The following PLCL1 variants were observed in gnomAD, a reference collection of about 807,000 sequenced individuals.
The protein encoded by PLCL1 is inactive phospholipase C-like protein 1.
PLCL1 carries 41 observed loss-of-function variants against 84.4 expected under a neutral mutation model. That is an observed-to-expected ratio of 0.49 (90% CI 0.38 to 0.63). The LOEUF (loss-of-function observed/expected upper bound fraction) is 0.63, where lower values mean the gene tolerates loss of function less well. Among genes scored for constraint, PLCL1 ranks in the 30% least tolerant of loss-of-function variants. The pLI, the probability that PLCL1 is intolerant of heterozygous loss-of-function variation, is 0.00. For missense variants in PLCL1, 1,206 were observed against 1,367.8 expected, an observed-to-expected ratio of 0.88 and a Z score of 1.87; for synonymous variants, 490 against 488.3, an observed-to-expected ratio of 1.00 and a Z score of -0.05.
chr2:197,874,183 A>C (rs1160995357), intron 1 of PLCL1, among the ~76,000 whole-genome samples: 2 of 152,190 alleles, frequency 1.3e-5, no homozygotes, highest in Non-Finnish European at 2.9e-5. Context: ...GTAAATATGC[A>C]GTCACAAGTC....
chr2:197,849,263 A>C (rs757121342), intron 1 of PLCL1, among the ~76,000 whole-genome samples: 31 of 152,162 alleles, frequency 2.0e-4, no homozygotes, highest in Non-Finnish European at 4.1e-4. Flanking sequence ...ATAGAAAAGA[A>C]AATATTAGTG....
intron 1 of PLCL1, among the ~76,000 whole-genome samples, chr2:198,008,226 C>T (rs1298042180): frequency 6.6e-6 from 1 of 152,074 alleles, no homozygotes; most frequent in Non-Finnish European, 1.5e-5. Context: ...AAGCACATAA[C>T]ATTAAATTTA....
chr2:198,091,292 C>T (rs900397696), intron 3 of PLCL1, among the ~76,000 whole-genome samples: 4 of 152,082 alleles, frequency 2.6e-5, no homozygotes, highest in Non-Finnish European at 4.4e-5. Context: ...CTAGGATTTG[C>T]ATTGTATTGG....
At chr2:197,943,760 G>T (rs1433834624) in intron 1 of PLCL1, among the ~76,000 whole-genome samples, 1 of 150,760 alleles carries the variant, frequency 6.6e-6, no homozygotes, top group Admixed American at 6.6e-5. Context: ...GTTAGTAATT[G>T]CCTCATTTTT....
At chr2:198,132,105 T>A (rs995889421) in intron 5 of PLCL1, among the ~76,000 whole-genome samples, 5 of 152,218 alleles carry the variant, frequency 3.3e-5, no homozygotes, top group Non-Finnish European at 5.9e-5. Flanking sequence ...CTTCATTCTG[T>A]TCACAACCAA....
intron 1 of PLCL1, among the ~76,000 whole-genome samples, chr2:197,899,016 C>T (rs936454955): frequency 1.3e-5 from 2 of 152,100 alleles, no homozygotes; most frequent in Non-Finnish European, 2.9e-5. Flanking sequence ...ATTTCTGTCT[C>T]CTTTTTGTTG....
chr2:198,006,632 G>T (rs1336463176), intron 1 of PLCL1, among the ~76,000 whole-genome samples: 1 of 152,072 alleles, frequency 6.6e-6, no homozygotes, highest in East Asian at 1.9e-4. Flanking sequence ...ACCTTTGGTG[G>T]GTGTACATAA....
At chr2:198,053,062 C>A (rs1691980467) in intron 1 of PLCL1, among the ~76,000 whole-genome samples, 1 of 152,180 alleles carries the variant, frequency 6.6e-6, no homozygotes, top group African/African-American at 2.4e-5. Context: ...AAGTTCTAGC[C>A]TGGGCTGCAG....
chr2:198,095,097 G>T (rs1026780457), intron 3 of PLCL1, among the ~76,000 whole-genome samples: 63 of 152,286 alleles, frequency 4.1e-4, no homozygotes, highest in Admixed American at 1.6e-3. Context: ...GCATTGGATT[G>T]TTCACCACAG....
intron 1 of PLCL1, among the ~76,000 whole-genome samples, chr2:198,028,311 T>G (rs570123772): frequency 6.6e-6 from 1 of 152,076 alleles, no homozygotes; most frequent in East Asian, 1.9e-4. Context: ...TTATTAGGAT[T>G]TTTTTTTAAG....
At chr2:197,818,743 C>T (rs1222783615) in intron 1 of PLCL1, among the ~76,000 whole-genome samples, 2 of 152,082 alleles carry the variant, frequency 1.3e-5, no homozygotes, top group African/African-American at 4.8e-5. Context: ...CACCAAATCT[C>T]CCCATAAGTT....
chr2:197,876,410 G>C (rs16825188), intron 1 of PLCL1, among the ~76,000 whole-genome samples: 24,529 of 152,030 alleles, frequency 0.16, 2,294 homozygotes, highest in East Asian at 0.27. Flanking sequence ...AAACTTGATA[G>C]GTCAGTTAGA....
In PLCL1 at chr2:198,059,559, G is replaced by T. The variant is rs551235061; in HGVS notation, c.241-24199G>T. Among the ~76,000 whole-genome samples the T allele has an allele frequency of 1.8e-4, 28 of 152,276 alleles. 1 individual carries two copies. In the South Asian group the frequency reaches 5.8e-3, roughly 32 times the overall value. ...GTACTTTGCTTGACAGAGAAGAAGA[G>T]ACCGCGAGGAGCCTGGTGTAGTTGG... On this transcript the variant is annotated intron_variant, in intron 1 of 5. Transcript: ENST00000428675.
chr2:197,896,602 G>C (rs1393719546), intron 1 of PLCL1, among the ~76,000 whole-genome samples: 3 of 152,082 alleles, frequency 2.0e-5, no homozygotes, highest in Non-Finnish European at 2.9e-5. Flanking sequence ...TAAAATGTGA[G>C]AATGGTGCTT....
chr2:197,832,645 C>A (rs1691091803), intron 1 of PLCL1, among the ~76,000 whole-genome samples: 1 of 152,172 alleles, frequency 6.6e-6, no homozygotes, highest in African/African-American at 2.4e-5. Flanking sequence ...CTCCCTAACT[C>A]ATTTTATGAG....
intron 3 of PLCL1, among the ~76,000 whole-genome samples, chr2:198,095,252 A>C (rs1693165410): frequency 6.6e-6 from 1 of 152,170 alleles, no homozygotes; most frequent in African/African-American, 2.4e-5. Context: ...AGGTCTCTGA[A>C]AGAGCAAGCA....
At chr2:197,854,732 A>G (rs1687299327) in intron 1 of PLCL1, among the ~76,000 whole-genome samples, 1 of 152,276 alleles carries the variant, frequency 6.6e-6, no homozygotes, top group East Asian at 1.9e-4. Context: ...GTAAGGAGAA[A>G]AGGAGGGAAG....
intron 3 of PLCL1, among the ~76,000 whole-genome samples, chr2:198,091,171 A>G (rs576697684): frequency 5.0e-4 from 76 of 152,208 alleles, no homozygotes; most frequent in Non-Finnish European, 7.6e-4. Flanking sequence ...AAAAATGATT[A>G]AAAACACCAT....
intron 1 of PLCL1, among the ~76,000 whole-genome samples, chr2:197,895,986 T>C (rs1688127017): frequency 6.6e-6 from 1 of 151,948 alleles, no homozygotes; most frequent in Non-Finnish European, 1.5e-5. Context: ...TTATATATTA[T>C]TCTTTGTTTT....
Sources: allele counts gnomAD v4.1 joint callset (sites outside exome capture counted in the v4.1 genomes callset), GRCh38; gene constraint gnomAD v4.1.1; transcripts MANE v1.5; gene names NCBI Gene and HGNC (gene_info 2026-07-23, HGNC 2026-07-21).